CALD1: variants seen among roughly 807,000 people sequenced by gnomAD.
CALD1 encodes caldesmon 1.
A neutral mutation model predicts 99.9 loss-of-function variants in CALD1; 33 were observed. That is an observed-to-expected ratio of 0.33 (90% CI 0.25 to 0.44). The LOEUF (loss-of-function observed/expected upper bound fraction) is 0.44. Ranked by LOEUF, CALD1 falls within the 20% of genes least tolerant of loss-of-function variation. The probability of loss-of-function intolerance (pLI) is 1.00; values close to 1 mark genes in which losing one functional copy is unlikely to be tolerated. For missense variants in CALD1, 861 were observed against 962.1 expected, an observed-to-expected ratio of 0.89 and a Z score of 1.39; for synonymous variants, 310 against 325.0, an observed-to-expected ratio of 0.95 and a Z score of 0.50.
chr7:134,741,478 C>A (rs1796591302), upstream of CALD1, among the ~76,000 whole-genome samples: 1 of 152,104 alleles, frequency 6.6e-6, no homozygotes, highest in Non-Finnish European at 1.5e-5. Context: ...ACCATATTAG[C>A]TCTGAAACTC....
intron 1 of CALD1, among the ~76,000 whole-genome samples, chr7:134,760,570 G>A (rs1796768360): frequency 6.6e-6 from 1 of 152,114 alleles, no homozygotes; most frequent in Non-Finnish European, 1.5e-5. Flanking sequence ...TTTTATTTGG[G>A]CAAATGGTGT....
intron 3 of CALD1, among the ~76,000 whole-genome samples, chr7:134,907,918 G>C (rs1803521134): frequency 6.6e-6 from 1 of 152,144 alleles, no homozygotes; most frequent in African/African-American, 2.4e-5. Flanking sequence ...TATTTTTGCT[G>C]ATTAAAGAGG....
At chr7:134,851,984 T>C (rs1025726845) in intron 2 of CALD1, among the ~76,000 whole-genome samples, 1 of 152,162 alleles carries the variant, frequency 6.6e-6, no homozygotes, top group African/African-American at 2.4e-5. Flanking sequence ...TCAGCAAATA[T>C]TTCCATTCAT....
chr7:134,933,551 A>G lies in CALD1; in HGVS notation c.782A>G (p.Asp261Gly), dbSNP rs768599629. The G allele has an allele frequency of 1.2e-6, 2 of 1,613,824 alleles. No individual in the cohort carries two copies. Among genetic ancestry groups the G allele is most frequent in the Admixed American group, 3.3e-5 (2 of 59,988 alleles). The part of the protein sequence containing the change: ...ISHHEKMEEE[D>G]KERAEAERAR... ...CATCATGAAAAGATGGAAGAGGAAG[A>G]CAAGGAAAGAGCTGAGGCAGAGAGG... is the stretch of plus-strand genomic sequence containing the variant. The change falls in exon 5 of 15, where the codon GAC (aspartate) becomes GGC (glycine). Residue 261 changes from aspartate (D) to glycine (G), a missense_variant. Transcript: ENST00000361675.
At chr7:134,711,700 G>A in the CALD1 span, among the ~76,000 whole-genome samples, 23 of 133,110 alleles carry the variant, frequency 1.7e-4, no homozygotes, top group East Asian at 6.5e-4. Flanking sequence ...GTGTGTGTGT[G>A]TGTGTGTGTG....
At chr7:134,733,440 A>G in the CALD1 span, among the ~76,000 whole-genome samples, 1 of 152,234 alleles carries the variant, frequency 6.6e-6, no homozygotes, top group Non-Finnish European at 1.5e-5. Flanking sequence ...ACAAAACTAT[A>G]GACTTCTTAA....
chr7:134,832,378 C>G (rs998616749), intron 1 of CALD1, among the ~76,000 whole-genome samples: 2 of 152,144 alleles, frequency 1.3e-5, no homozygotes, highest in African/African-American at 2.4e-5. Context: ...GGTGGGAGAG[C>G]CCTCTCCTGC....
intron 1 of CALD1, among the ~76,000 whole-genome samples, chr7:134,804,103 T>C (rs1798046729): frequency 6.6e-6 from 1 of 152,228 alleles, no homozygotes; most frequent in Non-Finnish European, 1.5e-5. Context: ...ATGTTAGACA[T>C]TGCTTGTTAC....
intron 7 of CALD1, among the ~76,000 whole-genome samples, chr7:134,942,991 T>G (rs1381012419): frequency 1.3e-5 from 2 of 152,154 alleles, no homozygotes; most frequent in Non-Finnish European, 2.9e-5. Context: ...CTGGCCTTAA[T>G]TTTTCTATTT....
At chr7:134,771,519 G>T (rs1031821156) in intron 1 of CALD1, among the ~76,000 whole-genome samples, 2 of 152,088 alleles carry the variant, frequency 1.3e-5, no homozygotes, top group Non-Finnish European at 2.9e-5. Context: ...CCCAAGCACC[G>T]CTGCCCTAGC....
chr7:134,779,689 C>T lies in CALD1; in HGVS notation c.-190C>T, dbSNP rs1797027641. 5.0e-6 allele frequency: 2 copies of T among 398,764 alleles called. No homozygotes were observed. Among genetic ancestry groups the T allele is most frequent in the East Asian group, 7.1e-5 (2 of 28,084 alleles). 24.7% of individuals were successfully genotyped at this position (398,764 alleles called of 1,614,324 possible). ...TGCTTGCTCTCTGGCTGTGCTCCTG[C>T]TTAAAGAAATCAGTCCTTCCTTTCC... On this transcript the variant is annotated 5_prime_UTR_variant, in exon 1 of 15. Coordinates refer to ENST00000361675, the MANE Select transcript of CALD1 (RefSeq NM_033138.4).
At chr7:134,858,907 C>A (rs1033560320) in intron 2 of CALD1, among the ~76,000 whole-genome samples, 33 of 152,298 alleles carry the variant, frequency 2.2e-4, no homozygotes, top group African/African-American at 7.9e-4. Context: ...TCCAGTAGAA[C>A]TTTCTGCAGT....
chr7:134,846,730 T>C (rs1472619231), intron 2 of CALD1, among the ~76,000 whole-genome samples: 1 of 152,220 alleles, frequency 6.6e-6, no homozygotes, highest in African/African-American at 2.4e-5. Context: ...ACCTCCTGCA[T>C]TTCTTTATTC....
At chr7:134,881,458 A>G (rs1470944190) in intron 3 of CALD1, among the ~76,000 whole-genome samples, 8 of 152,246 alleles carry the variant, frequency 5.3e-5, no homozygotes, top group Admixed American at 6.5e-5. Flanking sequence ...TTCCTTATCT[A>G]TAAGAGAGAA....
chr7:134,737,506 CT>C, the CALD1 span, among the ~76,000 whole-genome samples: 1 of 151,988 alleles, frequency 6.6e-6, no homozygotes, highest in African/African-American at 2.4e-5. Context: ...AAAAATCTGC[CT>C]TTTTTTGGTC....
At chr7:134,798,197 T>C (rs954458053) in intron 1 of CALD1, among the ~76,000 whole-genome samples, 1 of 152,232 alleles carries the variant, frequency 6.6e-6, no homozygotes, top group Non-Finnish European at 1.5e-5. Flanking sequence ...AATACATGAG[T>C]GAAAATGGTT....
At chr7:134,845,309 G>C (rs2132176263) in intron 2 of CALD1, among the ~76,000 whole-genome samples, 1 of 152,286 alleles carries the variant, frequency 6.6e-6, no homozygotes, top group South Asian at 2.1e-4. Context: ...AATGGAAAGA[G>C]GATTAGATGC....
At chr7:134,732,020 C>T in the CALD1 span, among the ~76,000 whole-genome samples, 1 of 152,178 alleles carries the variant, frequency 6.6e-6, no homozygotes, top group Non-Finnish European at 1.5e-5. Context: ...TGTCTCACAT[C>T]TGATTAGTAG....
At chr7:134,950,297 C>T in intron 8 of CALD1, 77 bp from the exon 9 acceptor site, 1 of 1,440,448 alleles carries the variant, frequency 6.9e-7, no homozygotes, top group Admixed American at 1.8e-5. Context: ...TCCAACTGTG[C>T]TCTCTCTCCT....
Sources: gnomAD v4.1 joint callset for allele counts (sites outside exome capture counted in the v4.1 genomes callset) on GRCh38, gnomAD v4.1.1 for gene constraint, MANE v1.5 for transcripts, NCBI Gene and HGNC (gene_info 2026-07-23, HGNC 2026-07-21) for gene names.